The following KCNIP4 variants were observed in gnomAD, a reference collection of about 807,000 sequenced individuals.
KCNIP4 encodes the protein Kv channel-interacting protein 4.
A neutral mutation model predicts 34.0 loss-of-function variants in KCNIP4; 12 were observed. The ratio of observed to expected loss-of-function variants is 0.35; its 90% CI spans 0.23 to 0.57. The LOEUF is 0.57. Ranked by LOEUF, KCNIP4 falls within the 20% of genes least tolerant of loss-of-function variation. KCNIP4 has a pLI of 0.83. For synonymous variants in KCNIP4, 124 were observed against 102.2 expected (o/e 1.21, Z -1.29); for missense variants, 238 against 311.7 (o/e 0.76, Z 1.78).
At chr4:21,506,285 ACTCTTC>A (rs1261149147) in intron 1 of KCNIP4, among the ~76,000 whole-genome samples, 1 of 152,042 alleles carries the variant, frequency 6.6e-6, no homozygotes, top group African/African-American at 2.4e-5. Flanking sequence ...GCAAAGCCTG[ACTCTTC>A]CTCTTCATAG....
chr4:21,894,592 C>T (rs943970220), intron 1 of KCNIP4, among the ~76,000 whole-genome samples: 1 of 152,082 alleles, frequency 6.6e-6, no homozygotes, highest in Non-Finnish European at 1.5e-5. Context: ...CAAATCATGT[C>T]ATCAAAGACA....
At chr4:21,413,539 C>T (rs1250879293) in intron 1 of KCNIP4, among the ~76,000 whole-genome samples, 1 of 152,158 alleles carries the variant, frequency 6.6e-6, no homozygotes, top group Non-Finnish European at 1.5e-5. Flanking sequence ...TCTTTTCTTC[C>T]CCATAACTTT....
intron 2 of KCNIP4, among the ~76,000 whole-genome samples, chr4:20,864,100 G>A (rs1462185724): frequency 3.8e-4 from 53 of 140,496 alleles, no homozygotes; most frequent in Middle Eastern, 3.9e-3. Context: ...GCATGTATAC[G>A]TATGTATGTA....
intron 1 of KCNIP4, among the ~76,000 whole-genome samples, chr4:21,624,166 C>A (rs1211453339): frequency 1.3e-5 from 2 of 152,070 alleles, no homozygotes; most frequent in Admixed American, 1.3e-4. Context: ...CCATTACTTA[C>A]CAACAGTGAA....
rs1473500525 is a variant in KCNIP4 at position 21,107,775 on chromosome 4, G to C, written c.62-225066C>G. Among the ~76,000 whole-genome samples, 4 of 151,482 alleles carry C rather than the reference G, an allele frequency of 2.6e-5. 1 individual carries two copies. Among genetic ancestry groups the C allele is most frequent in the African/African-American group, 4.9e-5 (2 of 40,788 alleles). On this transcript the variant is annotated intron_variant, in intron 1 of 8. Transcript: ENST00000382152. ...TCCATGTTTAGTGCTTCCTTCAGGA[G>C]CTCTTTTAGGGCAGGCCTGGTGGTG...
chr4:20,831,706 C>T (rs1321365856), intron 3 of KCNIP4, among the ~76,000 whole-genome samples: 1 of 152,144 alleles, frequency 6.6e-6, no homozygotes, highest in Admixed American at 6.5e-5. Context: ...CAGTAATAGG[C>T]TTGCCTTCCA....
chr4:21,038,393 G>A (rs1741651936), intron 1 of KCNIP4, among the ~76,000 whole-genome samples: 1 of 152,102 alleles, frequency 6.6e-6, no homozygotes, highest in African/African-American at 2.4e-5. Flanking sequence ...TGCTTGGGGA[G>A]TTCAGAGATG....
chr4:21,530,107 C>T (rs910131508), intron 1 of KCNIP4, among the ~76,000 whole-genome samples: 1 of 152,114 alleles, frequency 6.6e-6, no homozygotes, highest in Non-Finnish European at 1.5e-5. Flanking sequence ...CATGACCATG[C>T]TAACTTTTCA....
intron 1 of KCNIP4, among the ~76,000 whole-genome samples, chr4:21,258,327 T>A (rs144302845): frequency 1.1e-3 from 169 of 152,306 alleles, no homozygotes; most frequent in African/African-American, 3.8e-3. Context: ...ACATATTTAA[T>A]GACTAAGTGA....
At chr4:21,422,889 C>T (rs148745310) in intron 1 of KCNIP4, among the ~76,000 whole-genome samples, 1 of 152,154 alleles carries the variant, frequency 6.6e-6, no homozygotes, top group Non-Finnish European at 1.5e-5. Context: ...GTTGTGACCA[C>T]TGGTTGACCA....
rs1215798176 is a variant in KCNIP4, at chr4:21,087,160, G to GTGTGTA, written c.62-204452_62-204451insTACACA. ...ACTGCTGGGTAATGTGTGTGTGTGT[G>GTGTGTA]TGTGTGTGTGTGTGTGTGTGTGTGT... On this transcript the variant is annotated intron_variant, in intron 1 of 8. Coordinates refer to ENST00000382152, the MANE Select transcript of KCNIP4 (RefSeq NM_025221.6). Among the ~76,000 whole-genome samples, 3 of 145,282 alleles carry GTGTGTA rather than the reference G, an allele frequency of 2.1e-5. No individual in the cohort carries two copies. In the East Asian group the frequency reaches 6.0e-4, roughly 29 times the overall value.
At position 21,569,234 on chromosome 4, in the gene KCNIP4, T is replaced by TAAAAAAAAAAAAAAAAAAAAA. The variant is rs71191521; in HGVS notation, c.61+379316_61+379336dup. Among the ~76,000 whole-genome samples the TAAAAAAAAAAAAAAAAAAAAA allele has an allele frequency of 2.8e-4, 7 of 25,186 alleles. 1 individual carries two copies. The highest frequency in any genetic ancestry group is 2.7e-3 in the Admixed American group (3 of 1,126). 16.5% of individuals were successfully genotyped at this position (25,186 alleles called of 152,430 possible). A position where few individuals can be genotyped will look rare whatever the true frequency, so the allele number is the denominator to read the frequency against. Reference sequence around the variant, plus strand: ...CCCATGCACTAGGACACTGATATTCTAAAAAAAAAAAAAAAAAAAAAAAAA... The same window carrying TAAAAAAAAAAAAAAAAAAAAA: ...CCCATGCACTAGGACACTGATATTCTAAAAAAAAAAAAAAAAAAAAAAAAAAAAAAAAAAAAAAAAAAAAAA... On this transcript the variant is annotated intron_variant, in intron 1 of 8. Coordinates refer to ENST00000382152, the MANE Select transcript of KCNIP4 (RefSeq NM_025221.6).
intron 1 of KCNIP4, among the ~76,000 whole-genome samples, chr4:21,617,207 G>A (rs1744668596): frequency 6.6e-6 from 1 of 152,112 alleles, no homozygotes; most frequent in Admixed American, 6.5e-5. Context: ...TTACAAAATA[G>A]AGTAATTTCT....
intron 1 of KCNIP4, among the ~76,000 whole-genome samples, chr4:20,927,436 A>G (rs1730015189): frequency 6.6e-6 from 1 of 152,212 alleles, no homozygotes; most frequent in Non-Finnish European, 1.5e-5. Flanking sequence ...TAGCAGCTAT[A>G]ATAGTGCATG....
intron 1 of KCNIP4, among the ~76,000 whole-genome samples, chr4:21,529,923 T>G (rs1736531949): frequency 6.6e-6 from 1 of 152,188 alleles, no homozygotes. Context: ...TCTAATGAAT[T>G]GAAACACAGT....
intron 1 of KCNIP4, among the ~76,000 whole-genome samples, chr4:21,018,492 A>T (rs1739750765): frequency 6.6e-6 from 1 of 152,132 alleles, no homozygotes; most frequent in Non-Finnish European, 1.5e-5. Flanking sequence ...AGACTCTTTC[A>T]ACCAATGACT....
intron 1 of KCNIP4, among the ~76,000 whole-genome samples, chr4:21,499,527 A>G (rs79528903): frequency 0.013 from 1,929 of 152,120 alleles, 49 homozygotes; most frequent in African/African-American, 0.045. Flanking sequence ...AGTATAAAAC[A>G]AATCACTCAG....
At chr4:21,266,250 T>A (rs540229611) in intron 1 of KCNIP4, among the ~76,000 whole-genome samples, 2 of 152,188 alleles carry the variant, frequency 1.3e-5, no homozygotes, top group Non-Finnish European at 2.9e-5. Context: ...TTACGAAGCG[T>A]ACAATGGAGA....
intron 1 of KCNIP4, among the ~76,000 whole-genome samples, chr4:21,736,558 T>C (rs907374547): frequency 6.6e-6 from 1 of 152,190 alleles, no homozygotes; most frequent in Non-Finnish European, 1.5e-5. Context: ...TGCCCACATT[T>C]TGAGGCTTTA....
Sources: allele counts gnomAD v4.1 joint callset (sites outside exome capture counted in the v4.1 genomes callset), GRCh38; gene constraint gnomAD v4.1.1; transcripts MANE v1.5; gene names NCBI Gene and HGNC (gene_info 2026-07-23, HGNC 2026-07-21).